The following KCND2 variants were observed in gnomAD, a reference collection of about 807,000 sequenced individuals.
The protein encoded by KCND2 is A-type voltage-gated potassium channel KCND2.
In KCND2, 16 loss-of-function variants were observed where a neutral mutation model predicts 54.4. The observed-to-expected ratio is 0.29, with a 90% CI of 0.20 to 0.45. KCND2 has a LOEUF of 0.45. KCND2 is among the 20% of genes least tolerant of loss of function. The probability of loss-of-function intolerance (pLI) is 1.00; values close to 1 mark genes in which losing one functional copy is unlikely to be tolerated. For synonymous variants in KCND2, 317 were observed against 310.7 expected, an observed-to-expected ratio of 1.02 and a Z score of -0.21; for missense variants, 486 against 824.2, an observed-to-expected ratio of 0.59 and a Z score of 5.02.
chr7:120,490,114 G>A (rs1296046909), intron 1 of KCND2, among the ~76,000 whole-genome samples: 2 of 152,148 alleles, frequency 1.3e-5, no homozygotes, highest in Non-Finnish European at 2.9e-5. Context: ...ACCCTGGGCT[G>A]AACAGCAATC....
chr7:120,275,683 G>C lies in KCND2; in HGVS notation c.1051G>C (p.Ala351Pro), dbSNP rs1288114619. Residue 351 changes from alanine to proline, a missense_variant, in exon 1 of 6, where the codon GCT (alanine) becomes CCT (proline). By Grantham distance (27) the Ala-to-Pro change is conservative. Around this residue, in one of 7 missense-constraint regions of KCND2, gnomAD observed 23 missense variants for 33.7 expected, o/e 0.68. Transcript: ENST00000331113. ...VMFYAEKGSS[A>P]SKFTSIPAAF... is the part of the protein sequence containing the mutation. ...GTTCTACGCAGAGAAGGGGTCTTCG[G>C]CTAGCAAGTTCACCAGCATCCCTGC... is the stretch of plus-strand genomic sequence containing the variant. 6.2e-7 allele frequency: 1 copy of C among 1,602,260 alleles called. No individual in the cohort carries two copies. Among genetic ancestry groups the C allele is most frequent in the African/African-American group, 1.3e-5 (1 of 74,842 alleles).
At chr7:120,526,876 T>G (rs1416260277) in intron 1 of KCND2, among the ~76,000 whole-genome samples, 3 of 152,158 alleles carry the variant, frequency 2.0e-5, no homozygotes, top group Non-Finnish European at 2.9e-5. Context: ...GAAAATAAGC[T>G]GAACTAAATA....
In KCND2 at chr7:120,425,506, A is replaced by G. The variant is rs559266317; in HGVS notation, c.1115+149759A>G. On this transcript the variant is annotated intron_variant, in intron 1 of 5. Coordinates refer to ENST00000331113, the MANE Select transcript of KCND2 (RefSeq NM_012281.3). Reference sequence around the variant, plus strand: ...ACACAGGAATTCTGCCTTCGTGGTGACTCCAGTGCCAGTATCACCCATTTA... The same window carrying G: ...ACACAGGAATTCTGCCTTCGTGGTGGCTCCAGTGCCAGTATCACCCATTTA... 5.3e-5 allele frequency among the ~76,000 whole-genome samples: 8 copies of G among 152,266 alleles called. No individual in the cohort carries two copies. In the East Asian group the frequency reaches 1.5e-3, roughly 29 times the overall value.
chr7:120,512,268 C>A (rs907235368), intron 1 of KCND2, among the ~76,000 whole-genome samples: 2 of 151,850 alleles, frequency 1.3e-5, no homozygotes, highest in South Asian at 2.1e-4. Flanking sequence ...AAATTAAGAA[C>A]TGGTAGAATT....
intron 1 of KCND2, among the ~76,000 whole-genome samples, chr7:120,474,716 CTCTA>C (rs1027313042): frequency 3.3e-5 from 5 of 152,100 alleles, no homozygotes; most frequent in Admixed American, 1.3e-4. Flanking sequence ...ATCTAACACC[CTCTA>C]TCTAATACTA....
chr7:120,290,704 T>C (rs1412343426), intron 1 of KCND2, among the ~76,000 whole-genome samples: 4 of 152,022 alleles, frequency 2.6e-5, no homozygotes, highest in African/African-American at 9.7e-5. Flanking sequence ...TTCAATATCC[T>C]GTACATTAAG....
chr7:120,430,279 C>A (rs900167594), intron 1 of KCND2, among the ~76,000 whole-genome samples: 2 of 151,980 alleles, frequency 1.3e-5, no homozygotes, highest in African/African-American at 4.8e-5. Context: ...GGTGTCTCTC[C>A]TTCTTCTTAT....
At chr7:120,442,590 T>A (rs1257272797) in intron 1 of KCND2, among the ~76,000 whole-genome samples, 2 of 152,044 alleles carry the variant, frequency 1.3e-5, no homozygotes, top group African/African-American at 4.8e-5. Flanking sequence ...GTATTGAACA[T>A]CATGATTTAT....
chr7:120,704,019 C>T (rs998754673), intron 1 of KCND2, among the ~76,000 whole-genome samples: 1 of 152,184 alleles, frequency 6.6e-6, no homozygotes, highest in Non-Finnish European at 1.5e-5. Context: ...ATGGCTAACT[C>T]GTAGTGAGCT....
chr7:120,652,323 C>T (rs1791745835), intron 1 of KCND2, among the ~76,000 whole-genome samples: 1 of 152,130 alleles, frequency 6.6e-6, no homozygotes, highest in Non-Finnish European at 1.5e-5. Context: ...GTCCACTTGC[C>T]TTGGTCTCCC....
At chr7:120,617,082 A>G (rs1010470140) in intron 1 of KCND2, among the ~76,000 whole-genome samples, 7 of 152,170 alleles carry the variant, frequency 4.6e-5, no homozygotes, top group Admixed American at 4.6e-4. Flanking sequence ...GACAAGATGT[A>G]TGCATCCAAA....
At chr7:120,683,548 G>C (rs1025383349) in intron 1 of KCND2, among the ~76,000 whole-genome samples, 1 of 152,036 alleles carries the variant, frequency 6.6e-6, no homozygotes, top group Non-Finnish European at 1.5e-5. Flanking sequence ...CTTAGCAAAA[G>C]GAATATTTAA....
chr7:120,291,057 T>C (rs1461149052), intron 1 of KCND2, among the ~76,000 whole-genome samples: 3 of 152,052 alleles, frequency 2.0e-5, no homozygotes, highest in Non-Finnish European at 4.4e-5. Flanking sequence ...CTGCTATGAA[T>C]GGATTTGAAA....
At chr7:120,343,685 A>G (rs1417183343) in intron 1 of KCND2, among the ~76,000 whole-genome samples, 5 of 152,226 alleles carry the variant, frequency 3.3e-5, no homozygotes, top group African/African-American at 1.2e-4. Context: ...ATTTTAAGCC[A>G]TAAGTAAAAT....
At chr7:120,348,593 A>G (rs1183461022) in intron 1 of KCND2, among the ~76,000 whole-genome samples, 2 of 152,170 alleles carry the variant, frequency 1.3e-5, no homozygotes, top group Non-Finnish European at 2.9e-5. Context: ...AGGGATTCAC[A>G]TAGTCAAATT....
At chr7:120,431,253 C>T (rs1317076309) in intron 1 of KCND2, among the ~76,000 whole-genome samples, 1 of 152,150 alleles carries the variant, frequency 6.6e-6, no homozygotes, top group East Asian at 1.9e-4. Context: ...TTAGTAATAC[C>T]TACCTTTTTA....
At chr7:120,618,077 G>T (rs1203701559) in intron 1 of KCND2, among the ~76,000 whole-genome samples, 1 of 152,090 alleles carries the variant, frequency 6.6e-6, no homozygotes, top group Non-Finnish European at 1.5e-5. Flanking sequence ...GAATACCTGG[G>T]CTATGAAATT....
chr7:120,458,594 A>T (rs1431730548), intron 1 of KCND2, among the ~76,000 whole-genome samples: 1 of 152,192 alleles, frequency 6.6e-6, no homozygotes, highest in Non-Finnish European at 1.5e-5. Context: ...ACAAAATTTG[A>T]ATCTTATGTG....
chr7:120,665,094 A>G (rs987893632), intron 1 of KCND2, among the ~76,000 whole-genome samples: 1 of 152,054 alleles, frequency 6.6e-6, no homozygotes. Context: ...TTTCCAGAAA[A>G]GTGCAGTGAC....
Sources: allele counts gnomAD v4.1 joint callset (sites outside exome capture counted in the v4.1 genomes callset), GRCh38; gene constraint gnomAD v4.1.1; regional missense constraint gnomAD v4.1.1; transcripts MANE v1.5; gene names NCBI Gene and HGNC (gene_info 2026-07-23, HGNC 2026-07-21).